CHRM5: variants seen among roughly 807,000 people sequenced by gnomAD.
CHRM5 encodes muscarinic acetylcholine receptor M5.
In CHRM5, 18 loss-of-function variants were observed where a neutral mutation model predicts 39.0. The observed-to-expected ratio is 0.46, with a 90% CI of 0.32 to 0.68. The LOEUF is 0.68. CHRM5 is among the 30% of genes least tolerant of loss of function. The pLI, the probability that CHRM5 is intolerant of heterozygous loss-of-function variation, is 0.04. For missense variants in CHRM5, 515 were observed against 651.1 expected (o/e 0.79, Z 2.28); for synonymous variants, 241 against 246.3 (o/e 0.98, Z 0.20).
chr15:34,065,706 A>G lies in CHRM5; in HGVS notation c.*1390A>G, dbSNP rs1900492386. 6.6e-6 allele frequency: 1 copy of G among 152,206 alleles called. No individual in the cohort carries two copies. Among genetic ancestry groups the G allele is most frequent in the Non-Finnish European group, 1.5e-5 (1 of 68,048 alleles). 9.4% of individuals were successfully genotyped at this position (152,206 alleles called of 1,614,324 possible). On this transcript the variant is annotated 3_prime_UTR_variant, in exon 3 of 3. Transcript: ENST00000383263. ...GATTATTAAAAACCACACTTAATTGAAATCTCTAAGTGCGTATAAACAAAC... is the reference window on the plus strand; with the variant it reads ...GATTATTAAAAACCACACTTAATTGGAATCTCTAAGTGCGTATAAACAAAC...
chr15:33,993,806 T>G (rs2140581331), intron 1 of CHRM5, among the ~76,000 whole-genome samples: 1 of 146,730 alleles, frequency 6.8e-6, no homozygotes, highest in South Asian at 2.2e-4. Flanking sequence ...TGATTGTCAC[T>G]TTAGTATTTA....
At chr15:34,048,216 A>T (rs1899792565) in intron 2 of CHRM5, among the ~76,000 whole-genome samples, 1 of 152,144 alleles carries the variant, frequency 6.6e-6, no homozygotes, top group Non-Finnish European at 1.5e-5. Context: ...ATTCCTCCTC[A>T]CTGGGTGGGA....
chr15:34,013,819 A>G (rs2140675517), intron 1 of CHRM5, among the ~76,000 whole-genome samples: 1 of 152,300 alleles, frequency 6.6e-6, no homozygotes, highest in South Asian at 2.1e-4. Flanking sequence ...TCACAGGCTG[A>G]GGGAAGAGTA....
chr15:34,048,442 G>C (rs151217757), intron 2 of CHRM5, among the ~76,000 whole-genome samples: 1 of 150,754 alleles, frequency 6.6e-6, no homozygotes, highest in South Asian at 2.1e-4. Context: ...TCATGGCCAG[G>C]CTGCTTCTTT....
chr15:33,990,198 C>T (rs941109349), intron 1 of CHRM5, among the ~76,000 whole-genome samples: 1 of 148,982 alleles, frequency 6.7e-6, no homozygotes, highest in Non-Finnish European at 1.5e-5. Context: ...GGTGAGACTC[C>T]GTCTCAAAAA....
intron 1 of CHRM5, among the ~76,000 whole-genome samples, chr15:33,975,161 A>ACT (rs1200033940): frequency 6.6e-6 from 1 of 151,504 alleles, no homozygotes; most frequent in Non-Finnish European, 1.5e-5. Context: ...TCTCTTCTAC[A>ACT]CTCTCTCCTC....
At chr15:33,994,522 T>C (rs1487763240) in intron 1 of CHRM5, among the ~76,000 whole-genome samples, 3 of 152,174 alleles carry the variant, frequency 2.0e-5, no homozygotes, top group Non-Finnish European at 4.4e-5. Flanking sequence ...CCCTGGTCTG[T>C]GGAAAAATTG....
chr15:34,047,876 A>T (rs959704378), intron 2 of CHRM5, among the ~76,000 whole-genome samples: 4 of 152,034 alleles, frequency 2.6e-5, no homozygotes, highest in Admixed American at 2.6e-4. Context: ...AGCCTCCCGC[A>T]CCCTGTTTCC....
intron 1 of CHRM5, among the ~76,000 whole-genome samples, chr15:34,035,001 A>G (rs1390927613): frequency 6.6e-6 from 1 of 152,214 alleles, no homozygotes; most frequent in African/African-American, 2.4e-5. Flanking sequence ...ACAATGAAGG[A>G]GCAAGTCCTT....
At chr15:33,981,101 A>T (rs1896122467) in intron 1 of CHRM5, among the ~76,000 whole-genome samples, 1 of 150,736 alleles carries the variant, frequency 6.6e-6, no homozygotes, top group Admixed American at 6.7e-5. Context: ...AGTTTTGGAC[A>T]GCAACCCCTC....
Position 33,983,166 on chromosome 15 carries a change from GTGTGTA to G in CHRM5, c.-408+14018_-408+14023del, listed in dbSNP as rs764511162. 2.7e-3 allele frequency among the ~76,000 whole-genome samples: 313 copies of G among 117,598 alleles called. 4 individuals are homozygous for G. Among genetic ancestry groups the G allele is most frequent in the Middle Eastern group, 4.0e-3 (1 of 250 alleles). The allele number at this position is 117,598 out of a possible 152,430, so 77.1% of individuals were successfully genotyped here. A position where few individuals can be genotyped will look rare whatever the true frequency, so the allele number is the denominator to read the frequency against. ...TGTGTGTGTGTGTGTGTGTATGTGT[GTGTGTA>G]TATATACACACGTGTGTGTATGTGT... On this transcript the variant is annotated intron_variant, in intron 1 of 2. Coordinates refer to ENST00000383263, the MANE Select transcript of CHRM5 (RefSeq NM_012125.4).
intron 1 of CHRM5, among the ~76,000 whole-genome samples, chr15:34,017,597 A>C (rs1380077052): frequency 6.7e-6 from 1 of 149,324 alleles, no homozygotes; most frequent in African/African-American, 2.5e-5. Context: ...CTCCTGCCTG[A>C]GTCTCTCAAG....
At chr15:34,044,693 G>C (rs1412931332) in intron 1 of CHRM5, among the ~76,000 whole-genome samples, 5 of 151,874 alleles carry the variant, frequency 3.3e-5, no homozygotes. Flanking sequence ...CAGTGTATGC[G>C]TTAAATGGGT....
At chr15:34,020,548 C>G (rs1248021809) in intron 1 of CHRM5, among the ~76,000 whole-genome samples, 1 of 152,214 alleles carries the variant, frequency 6.6e-6, no homozygotes, top group East Asian at 1.9e-4. Context: ...AGAACATCCC[C>G]TCTTCTCACA....
chr15:34,063,990 CA>C lies in CHRM5; in HGVS notation c.1276del (p.Met426Ter), dbSNP rs1244612850. 1 of 1,614,064 alleles carries C rather than the reference CA, an allele frequency of 6.2e-7. No individual in the cohort carries two copies. The highest frequency in any genetic ancestry group is 8.5e-7 in the Non-Finnish European group (1 of 1,180,040). On this transcript the variant is annotated frameshift_variant, in exon 3 of 3. Transcript: ENST00000383263. LOFTEE classifies it high-confidence loss of function. This position sits in a 1 kb window ranked among gnomAD's most constrained non-coding sequence, Gnocchi z 4.1. The stretch of plus-strand genomic sequence containing the variant: ...AGGCCTCAATCCCAACCCCAGCCAT[CA>C]AATGACCAAACGAAAGAGAGTGGTC... Reference protein sequence around the residue: ...TKGLNPNPSHQMTKRKRVVLV... With the variant: ...TKGLNPNPSHXMTKRKRVVLV...
At chr15:33,972,459 G>A (rs1412104864) in intron 1 of CHRM5, 1 of 152,072 alleles carries the variant, frequency 6.6e-6, no homozygotes, top group African/African-American at 2.4e-5. Flanking sequence ...ATGAGGGCAG[G>A]GAGGGGGCTG....
In CHRM5 at chr15:33,991,011, T is replaced by C. The variant is rs569854187; in HGVS notation, c.-408+21861T>C. On this transcript the variant is annotated intron_variant, in intron 1 of 2. Transcript: ENST00000383263. Reference sequence around the variant, plus strand: ...AAATGTCCCTCTGGCAACTGATGAGTAGAAAAAAATGATGTAAAACCAGAT... The same window carrying C: ...AAATGTCCCTCTGGCAACTGATGAGCAGAAAAAAATGATGTAAAACCAGAT... The C allele has an allele frequency of 1.8e-4, 28 of 152,170 alleles. No individual in the cohort carries two copies. The South Asian group carries it at 5.8e-3, about 32-fold the overall frequency. 9.4% of individuals were successfully genotyped at this position (152,170 alleles called of 1,614,324 possible). A position where few individuals can be genotyped will look rare whatever the true frequency, so the allele number is the denominator to read the frequency against.
At chr15:34,042,799 A>T (rs923999955) in intron 1 of CHRM5, among the ~76,000 whole-genome samples, 4 of 152,178 alleles carry the variant, frequency 2.6e-5, no homozygotes, top group Non-Finnish European at 5.9e-5. Context: ...GGAACTTGTT[A>T]GAAATGCAAA....
chr15:34,003,037 G>A, intron 1 of CHRM5: 3 of 1,612,924 alleles, frequency 1.9e-6, no homozygotes, highest in Non-Finnish European at 2.5e-6. Context: ...CATACCTGCA[G>A]AGCTAAGGAG....
Sources: gnomAD v4.1 joint callset for allele counts (sites outside exome capture counted in the v4.1 genomes callset) on GRCh38, gnomAD v4.1.1 for gene constraint, Gnocchi (gnomAD v3.1) non-coding constraint, MANE v1.5 for transcripts, NCBI Gene and HGNC (gene_info 2026-07-23, HGNC 2026-07-21) for gene names.